CAMSAP2: variants seen among roughly 807,000 people sequenced by gnomAD.
The protein encoded by CAMSAP2 is calmodulin regulated spectrin associated protein family member 2, also known as calmodulin-regulated spectrin-associated protein 2.
Under a neutral mutation model 146.1 loss-of-function variants are expected in CAMSAP2, and 26 were observed. The ratio of observed to expected loss-of-function variants is 0.18; its 90% CI spans 0.13 to 0.25. CAMSAP2 has a LOEUF of 0.25. CAMSAP2 is among the 10% of genes least tolerant of loss of function. CAMSAP2 has a pLI of 1.00. For missense variants in CAMSAP2, 1,381 were observed against 1,759.3 expected, an observed-to-expected ratio of 0.78 and a Z score of 3.85; for synonymous variants, 499 against 596.6, an observed-to-expected ratio of 0.84 and a Z score of 2.38.
intron 2 of CAMSAP2, among the ~76,000 whole-genome samples, chr1:200,778,565 C>T (rs1309152305): frequency 6.6e-6 from 1 of 152,070 alleles, no homozygotes; most frequent in Non-Finnish European, 1.5e-5. Context: ...ATTTGACTTT[C>T]CTCTCTACCT....
In CAMSAP2 at chr1:200,822,704, A is replaced by T. The variant is rs182850196; in HGVS notation, c.645+7060A>T. ...ATATGTTCCAAGACCCCCAGTGCAT[A>T]CCTGAAACCTCAGATAGTACTGTAT... On this transcript the variant is annotated intron_variant, in intron 4 of 16. Transcript: ENST00000358823. Among the ~76,000 whole-genome samples, 135 of 152,140 alleles carry T rather than the reference A, an allele frequency of 8.9e-4. No homozygotes were observed. The East Asian group carries it at 0.022, about 25-fold the overall frequency.
intron 4 of CAMSAP2, among the ~76,000 whole-genome samples, chr1:200,828,143 A>G (rs1315606663): frequency 6.6e-6 from 1 of 152,134 alleles, no homozygotes; most frequent in East Asian, 1.9e-4. Context: ...TTATCTTTCT[A>G]CTTTGCTTTT....
Position 200,848,609 on chromosome 1 carries a change from G to A in CAMSAP2, c.1840G>A (p.Val614Ile), listed in dbSNP as rs901413881. ...DNTEVDTGIH[V>I]PSEDIPETMD... is the part of the protein sequence containing the mutation. ...TACTGAAGTAGACACTGGAATTCAC[G>A]TTCCTTCAGAAGATATTCCTGAAAC... Residue 614 changes from valine (V) to isoleucine (I), a missense_variant, in exon 11 of 17, where the codon GTT becomes ATT. Physicochemically the swap from Val to Ile is conservative, Grantham distance 29. This residue lies in a region of CAMSAP2 where 447 missense variants were observed against 462.2 expected (regional missense o/e 0.97). Coordinates refer to ENST00000358823, the MANE Select transcript of CAMSAP2 (RefSeq NM_203459.4). 7 of 1,613,916 alleles carry A rather than the reference G, an allele frequency of 4.3e-6. No individual in the cohort carries two copies. The highest frequency in any genetic ancestry group is 2.2e-5 in the South Asian group (2 of 91,080).
chr1:200,757,240 T>C (rs1426352269), intron 1 of CAMSAP2, among the ~76,000 whole-genome samples: 5 of 152,214 alleles, frequency 3.3e-5, no homozygotes, highest in African/African-American at 1.2e-4. Flanking sequence ...TTTTAATAAA[T>C]CTGTGTCACT....
chr1:200,822,961 G>A (rs1353650397), intron 4 of CAMSAP2, among the ~76,000 whole-genome samples: 3 of 152,052 alleles, frequency 2.0e-5, no homozygotes, highest in African/African-American at 7.2e-5. Flanking sequence ...CTATGGGTAA[G>A]GGGGGGACAG....
intron 7 of CAMSAP2, 124 bp from the exon 8 acceptor site, chr1:200,844,658 T>A: frequency 2.1e-6 from 1 of 484,106 alleles, no homozygotes; most frequent in African/African-American, 2.0e-5. Flanking sequence ...AACTTTATGC[T>A]ATGATTTCTC....
intron 14 of CAMSAP2, among the ~76,000 whole-genome samples, chr1:200,855,778 G>A (rs1319377804): frequency 5.9e-5 from 9 of 151,832 alleles, no homozygotes; most frequent in Admixed American, 3.3e-4. Flanking sequence ...TGTATTTTTG[G>A]TAGAGACGGG....
intron 11 of CAMSAP2, among the ~76,000 whole-genome samples, chr1:200,851,675 C>T (rs544366965): frequency 3.1e-4 from 47 of 152,214 alleles, no homozygotes; most frequent in Non-Finnish European, 5.0e-4. Flanking sequence ...GTTGTTTGTA[C>T]CTCTTCTCCT....
At chr1:200,789,354 G>A (rs1000507642) in intron 2 of CAMSAP2, among the ~76,000 whole-genome samples, 1 of 151,956 alleles carries the variant, frequency 6.6e-6, no homozygotes, top group African/African-American at 2.4e-5. Flanking sequence ...TAATTTTTAT[G>A]AAGGCTGTAA....
intron 7 of CAMSAP2, among the ~76,000 whole-genome samples, chr1:200,844,509 T>C (rs1407552985): frequency 6.6e-6 from 1 of 151,844 alleles, no homozygotes; most frequent in Admixed American, 6.6e-5. Context: ...GATCGCGCCA[T>C]TGCACTCCAG....
In CAMSAP2 at chr1:200,744,657, C is replaced by A. The variant is rs972385996; in HGVS notation, c.139+4691C>A. The stretch of plus-strand genomic sequence containing the variant: ...GAGGGAGACTGGTGGCGTTAGGATG[C>A]GGTGGGGTGGCAGGGGAGAGGCCAT... On this transcript the variant is annotated intron_variant, in intron 1 of 16. Transcript: ENST00000358823. 2.0e-5 allele frequency among the ~76,000 whole-genome samples: 3 copies of A among 151,962 alleles called. No homozygotes were observed. The South Asian group carries it at 6.2e-4, about 32-fold the overall frequency.
intron 1 of CAMSAP2, among the ~76,000 whole-genome samples, chr1:200,744,657 C>T (rs972385996): frequency 7.2e-5 from 11 of 151,962 alleles, no homozygotes; most frequent in African/African-American, 1.2e-4. Flanking sequence ...CGTTAGGATG[C>T]GGTGGGGTGG....
Position 200,858,252 on chromosome 1 carries a change from T to A in CAMSAP2, c.*193T>A, listed in dbSNP as rs761187633. 115 of 471,142 alleles carry A rather than the reference T, an allele frequency of 2.4e-4. No individual in the cohort carries two copies. Among genetic ancestry groups the A allele is most frequent in the Non-Finnish European group, 4.1e-5 (11 of 270,546 alleles). The allele number at this position is 471,142 out of a possible 1,614,324, so 29.2% of individuals were successfully genotyped here. On this transcript the variant is annotated 3_prime_UTR_variant, in exon 17 of 17. Transcript: ENST00000358823. The stretch of plus-strand genomic sequence containing the variant: ...AGAACATTCTCAATTAAGTGATAAG[T>A]CCAAATGATGAAGGAAATGTTTTAA...
chr1:200,857,774 C>G lies in CAMSAP2; in HGVS notation c.4152C>G (p.Ala1384=). Residue 1384 remains alanine (A), a synonymous_variant, in exon 17 of 17, where the codon GCC becomes GCG. Coordinates refer to ENST00000358823, the MANE Select transcript of CAMSAP2 (RefSeq NM_203459.4). The surrounding 1 kb of genome is among the most constrained non-coding windows in gnomAD (Gnocchi z 4.7). ...TAAAGGAAATGGAGAAATCAGATGC[C>G]AACAACTTCTTAATCTTGTTCCGGG... The part of the protein sequence containing the change: ...KILEEMEKSD[A]NNFLILFRDS... 6.3e-7 allele frequency: 1 copy of G among 1,593,886 alleles called. No individual in the cohort carries two copies. Among genetic ancestry groups the G allele is most frequent in the Non-Finnish European group, 8.5e-7 (1 of 1,172,750 alleles).
In CAMSAP2 at chr1:200,856,069, A is replaced by C; in HGVS notation, c.3956A>C (p.Lys1319Thr). 6.2e-7 allele frequency: 1 copy of C among 1,614,088 alleles called. No homozygotes were observed. The highest frequency in any genetic ancestry group is 8.5e-7 in the Non-Finnish European group (1 of 1,179,968). Residue 1319 changes from lysine (K) to threonine (T), a missense_variant, in exon 15 of 17, where the codon AAA becomes ACA. By Grantham distance (78) the Lys-to-Thr change is moderately conservative. Transcript: ENST00000358823. ...CGTTGTGGCAGTCGAAATGGAGAAAAAGACTGGGAGAATGCATCAACAACT... is the reference window on the plus strand; with the variant it reads ...CGTTGTGGCAGTCGAAATGGAGAAACAGACTGGGAGAATGCATCAACAACT... ...PSRCGSRNGEKDWENASTTSS... is the reference protein window; with the variant it reads ...PSRCGSRNGETDWENASTTSS...
At chr1:200,816,942 ATGTG>A (rs1216416589) in intron 4 of CAMSAP2, among the ~76,000 whole-genome samples, 2 of 69,594 alleles carry the variant, frequency 2.9e-5, no homozygotes, top group African/African-American at 1.2e-4. Flanking sequence ...ACGCGTGTGT[ATGTG>A]TGTACACACA....
chr1:200,855,212 A>G (rs1295783601), intron 14 of CAMSAP2, among the ~76,000 whole-genome samples: 1 of 152,148 alleles, frequency 6.6e-6, no homozygotes, highest in African/African-American at 2.4e-5. Context: ...CACAGTCAGT[A>G]GAATGAGAGT....
At chr1:200,805,457 T>C (rs565274887) in intron 2 of CAMSAP2, among the ~76,000 whole-genome samples, 4 of 152,268 alleles carry the variant, frequency 2.6e-5, no homozygotes, top group Non-Finnish European at 5.9e-5. Context: ...TCTAGAGAAA[T>C]AGAGTCATAT....
At chr1:200,847,386 T>A in intron 9 of CAMSAP2, 94 bp downstream of exon 9, 1 of 823,508 alleles carries the variant, frequency 1.2e-6, no homozygotes, top group Non-Finnish European at 1.9e-6. Flanking sequence ...ATATCCAGGG[T>A]TTTTTTGTGT....
Sources: gnomAD v4.1 joint callset for allele counts (sites outside exome capture counted in the v4.1 genomes callset) on GRCh38, gnomAD v4.1.1 for gene constraint, gnomAD v4.1.1 regional missense constraint, Gnocchi (gnomAD v3.1) non-coding constraint, MANE v1.5 for transcripts, NCBI Gene and HGNC (gene_info 2026-07-23, HGNC 2026-07-21) for gene names.